Variants in MRPS27 observed in about 807,000 individuals in gnomAD.
MRPS27 encodes the protein small ribosomal subunit protein mS27.
In MRPS27, 43 loss-of-function variants were observed where a neutral mutation model predicts 48.9. That is an observed-to-expected ratio of 0.88 (90% confidence interval 0.69 to 1.13). The LOEUF (loss-of-function observed/expected upper bound fraction) is 1.13. Ranked by LOEUF, MRPS27 falls within the 50% of genes most tolerant of loss-of-function variation. MRPS27 has a pLI of 0.00. For missense variants in MRPS27, 467 were observed against 476.3 expected (o/e 0.98, Z 0.18); for synonymous variants, 188 against 171.9 (o/e 1.09, Z -0.73).
At chr5:72,229,790 T>C (rs1055603859) in intron 7 of MRPS27, among the ~76,000 whole-genome samples, 1 of 152,190 alleles carries the variant, frequency 6.6e-6, no homozygotes, top group African/African-American at 2.4e-5. Flanking sequence ...TTTCTGATCA[T>C]TGTCTGGGGC....
chr5:72,293,243 C>T (rs1299012241), intron 4 of MRPS27, among the ~76,000 whole-genome samples: 1 of 151,366 alleles, frequency 6.6e-6, no homozygotes, highest in Non-Finnish European at 1.5e-5. Flanking sequence ...TAGAGTTCTA[C>T]CTAGTCTCAT....
At chr5:72,248,669 TAAAAAA>T (rs36063387) in intron 4 of MRPS27, among the ~76,000 whole-genome samples, 2 of 70,294 alleles carry the variant, frequency 2.8e-5, no homozygotes, top group African/African-American at 1.3e-4. Flanking sequence ...CATTTTCATT[TAAAAAA>T]AAAAAAAAAA....
intron 4 of MRPS27, among the ~76,000 whole-genome samples, chr5:72,264,284 G>A (rs1369669089): frequency 1.3e-5 from 2 of 151,994 alleles, no homozygotes; most frequent in Admixed American, 6.6e-5. Context: ...TTCCTTTTGG[G>A]GTAATAAAAA....
chr5:72,229,659 C>T (rs971330787), intron 7 of MRPS27: 2 of 152,558 alleles, frequency 1.3e-5, no homozygotes, highest in African/African-American at 2.4e-5. Context: ...AATATCTAAG[C>T]ACTAGATACC....
At chr5:72,226,744 G>A (rs1030299083) in intron 8 of MRPS27, among the ~76,000 whole-genome samples, 12 of 150,716 alleles carry the variant, frequency 8.0e-5, no homozygotes, top group Admixed American at 3.3e-4. Flanking sequence ...TTTGAGTTTC[G>A]TCAGTTTTAA....
chr5:72,258,336 T>C (rs531038891), intron 4 of MRPS27, among the ~76,000 whole-genome samples: 34 of 152,290 alleles, frequency 2.2e-4, no homozygotes, highest in Middle Eastern at 6.8e-3. Flanking sequence ...TAGAGGCTTA[T>C]CAAGCAAAGA....
In MRPS27 at chr5:72,320,142, G is replaced by A; in HGVS notation, c.73+7C>T. 1.2e-6 allele frequency: 2 copies of A among 1,613,686 alleles called. No individual in the cohort carries two copies. Among genetic ancestry groups the A allele is most frequent in the South Asian group, 1.1e-5 (1 of 91,072 alleles). ...AATCAGGGGCCTAATGAAGCTGTCC[G>A]GCCAACCTGCAGGAGAGAGCTGAGG... On this transcript the variant is annotated splice_region_variant and intron_variant, in intron 1 of 10. Coordinates refer to ENST00000261413, the MANE Select transcript of MRPS27 (RefSeq NM_015084.3).
chr5:72,244,219 AT>A (rs1202210526), intron 4 of MRPS27, among the ~76,000 whole-genome samples: 2 of 152,092 alleles, frequency 1.3e-5, no homozygotes, highest in Non-Finnish European at 2.9e-5. Context: ...GAGTAAGTAG[AT>A]TTTTGGTAGA....
At chr5:72,238,460 A>AGG (rs1358325604) in intron 4 of MRPS27, among the ~76,000 whole-genome samples, 3 of 152,234 alleles carry the variant, frequency 2.0e-5, no homozygotes, top group African/African-American at 7.2e-5. Flanking sequence ...ATATTTCATT[A>AGG]GAAGAGACGT....
Position 72,319,995 on chromosome 5 carries a change from G to A in MRPS27, c.73+154C>T, listed in dbSNP as rs1245959840. 10 of 717,848 alleles carry A rather than the reference G, an allele frequency of 1.4e-5. No individual in the cohort carries two copies. In the African/African-American group the frequency reaches 1.6e-4, roughly 12 times the overall value. 44.5% of individuals were successfully genotyped at this position (717,848 alleles called of 1,614,324 possible). Reference sequence around the variant, plus strand: ...TTATTTTAGGGAAGGAAATGGATCAGATACCTTGTCTCCTTCTTCTGCACT... The same window carrying A: ...TTATTTTAGGGAAGGAAATGGATCAAATACCTTGTCTCCTTCTTCTGCACT... On this transcript the variant is annotated intron_variant, in intron 1 of 10. Coordinates refer to ENST00000261413, the MANE Select transcript of MRPS27 (RefSeq NM_015084.3).
At chr5:72,298,488 T>G (rs1410580023) in intron 2 of MRPS27, among the ~76,000 whole-genome samples, 1 of 152,034 alleles carries the variant, frequency 6.6e-6, no homozygotes, top group African/African-American at 2.4e-5. Context: ...TCAAATAACT[T>G]AAAACAGAGC....
At chr5:72,299,388 C>T (rs530501320) in intron 2 of MRPS27, among the ~76,000 whole-genome samples, 1 of 151,354 alleles carries the variant, frequency 6.6e-6, no homozygotes, top group South Asian at 2.1e-4. Flanking sequence ...GAAGGAGACA[C>T]AAGCAAGTGT....
Position 72,295,395 on chromosome 5 carries a change from C to A in MRPS27, c.281+136G>T, listed in dbSNP as rs1165136492. On this transcript the variant is annotated intron_variant, in intron 4 of 10. Coordinates refer to ENST00000261413, the MANE Select transcript of MRPS27 (RefSeq NM_015084.3). ...GCAGTTATAAAAAATCAGAAACTCT[C>A]TCTATACTCATATGAAAAGATCTTT... is the stretch of plus-strand genomic sequence containing the variant. 3 of 660,002 alleles carry A rather than the reference C, an allele frequency of 4.5e-6. No homozygotes were observed. In the East Asian group the frequency reaches 7.9e-5, roughly 17 times the overall value. 40.9% of individuals were successfully genotyped at this position (660,002 alleles called of 1,614,324 possible).
intron 4 of MRPS27, among the ~76,000 whole-genome samples, chr5:72,278,619 T>G (rs898608001): frequency 3.9e-5 from 6 of 152,208 alleles, no homozygotes; most frequent in Admixed American, 6.5e-5. Context: ...TTACCATTTT[T>G]GGGCATGTTT....
chr5:72,232,414 T>C, intron 7 of MRPS27, 29 bp downstream of exon 7: 2 of 1,562,922 alleles, frequency 1.3e-6, no homozygotes, highest in Non-Finnish European at 1.8e-6. Context: ...TCTAAAGTTC[T>C]TAATACTGCT....
intron 5 of MRPS27, among the ~76,000 whole-genome samples, chr5:72,234,938 T>C (rs1013825161): frequency 3.9e-5 from 6 of 152,126 alleles, no homozygotes; most frequent in African/African-American, 1.4e-4. Flanking sequence ...AATTCTTCAG[T>C]AATGTTAACC....
chr5:72,256,126 T>C (rs1403792918), intron 4 of MRPS27, among the ~76,000 whole-genome samples: 4 of 152,246 alleles, frequency 2.6e-5, no homozygotes, highest in Non-Finnish European at 5.9e-5. Context: ...TCCACTACTA[T>C]TTTGATAATC....
intron 8 of MRPS27, 149 bp from the exon 9 acceptor site, chr5:72,226,348 A>G (rs1451097299): frequency 1.2e-6 from 1 of 817,928 alleles, no homozygotes; most frequent in Non-Finnish European, 1.9e-6. Flanking sequence ...GACTCATCTC[A>G]TTCGGTGACA....
chr5:72,306,314 T>G (rs1750266452), intron 2 of MRPS27, among the ~76,000 whole-genome samples: 1 of 152,230 alleles, frequency 6.6e-6, no homozygotes, highest in African/African-American at 2.4e-5. Flanking sequence ...TGAATGGCCT[T>G]TAACTTCGCA....
Sources: gnomAD v4.1 joint callset for allele counts (sites outside exome capture counted in the v4.1 genomes callset) on GRCh38, gnomAD v4.1.1 for gene constraint, MANE v1.5 for transcripts, NCBI Gene and HGNC (gene_info 2026-07-23, HGNC 2026-07-21) for gene names.